KIF6: variants seen among roughly 807,000 people sequenced by gnomAD.
The protein encoded by KIF6 is kinesin-like protein KIF6.
Under a neutral mutation model 112.7 loss-of-function variants are expected in KIF6, and 106 were observed. That is an observed-to-expected ratio of 0.94 (90% confidence interval 0.80 to 1.11). The LOEUF (loss-of-function observed/expected upper bound fraction) is 1.11, where lower values mean the gene tolerates loss of function less well. KIF6 is among the 50% of genes least tolerant of loss of function. The pLI, the probability that KIF6 is intolerant of heterozygous loss-of-function variation, is 0.00. For synonymous variants in KIF6, 339 were observed against 339.9 expected (o/e 1.00, Z 0.03); for missense variants, 929 against 964.0 (o/e 0.96, Z 0.48).
intron 15 of KIF6, among the ~76,000 whole-genome samples, chr6:39,405,695 G>A (rs898550778): frequency 6.6e-6 from 1 of 152,140 alleles, no homozygotes; most frequent in African/African-American, 2.4e-5. Context: ...GATAATACTG[G>A]CCTAATAAAA....
chr6:39,384,066 T>C (rs1016979643), intron 16 of KIF6, among the ~76,000 whole-genome samples: 2 of 152,384 alleles, frequency 1.3e-5, no homozygotes, highest in Non-Finnish European at 2.9e-5. Flanking sequence ...TAGGGTTTTC[T>C]AGGTATACGG....
Position 39,342,713 on chromosome 6 carries a change from G to T in KIF6, c.2428+996C>A. The T allele has an allele frequency of 1.2e-6, 1 of 806,500 alleles. No homozygotes were observed. The highest frequency in any genetic ancestry group is 1.5e-6 in the Non-Finnish European group (1 of 667,598). The allele number at this position is 806,500 out of a possible 1,614,324, so 50.0% of individuals were successfully genotyped here. On this transcript the variant is annotated intron_variant, in intron 22 of 22. Coordinates refer to ENST00000287152, the MANE Select transcript of KIF6 (RefSeq NM_145027.6). The surrounding 1 kb of genome is among the most constrained non-coding windows in gnomAD (Gnocchi z 4.7). ...CAGGCTTAAGAAAGGACCTGACAGT[G>T]TTGCTGAGGCTGCTGGTCCTGGTGG...
At chr6:39,687,852 G>A (rs1328079357) in intron 3 of KIF6, among the ~76,000 whole-genome samples, 1 of 152,138 alleles carries the variant, frequency 6.6e-6, no homozygotes, top group Non-Finnish European at 1.5e-5. Context: ...TTTTCTAGTT[G>A]AGAGGATTAT....
At chr6:39,606,141 C>G (rs1382772009) in intron 6 of KIF6, among the ~76,000 whole-genome samples, 1 of 151,686 alleles carries the variant, frequency 6.6e-6, no homozygotes, top group African/African-American at 2.4e-5. Flanking sequence ...CCTCCTTCTC[C>G]TATATCTTCT....
chr6:39,458,121 A>C (rs111777668), intron 13 of KIF6, among the ~76,000 whole-genome samples: 5 of 150,664 alleles, frequency 3.3e-5, no homozygotes, highest in Non-Finnish European at 7.4e-5. Flanking sequence ...AAAAATCCTC[A>C]ATAAAATACT....
At chr6:39,435,681 T>C (rs936575294) in intron 13 of KIF6, among the ~76,000 whole-genome samples, 2 of 152,206 alleles carry the variant, frequency 1.3e-5, no homozygotes, top group Non-Finnish European at 2.9e-5. Flanking sequence ...TCCAGTTTCA[T>C]CCAAGATGCT....
At chr6:39,464,701 C>T (rs1011353895) in intron 13 of KIF6, among the ~76,000 whole-genome samples, 1 of 152,170 alleles carries the variant, frequency 6.6e-6, no homozygotes, top group Non-Finnish European at 1.5e-5. Context: ...CTCATAAGCA[C>T]CACTGAGTGG....
At chr6:39,680,469 C>T (rs1787448832) in intron 3 of KIF6, among the ~76,000 whole-genome samples, 1 of 152,168 alleles carries the variant, frequency 6.6e-6, no homozygotes, top group Non-Finnish European at 1.5e-5. Flanking sequence ...GAGTTCAATA[C>T]AGTAAACAGG....
intron 16 of KIF6, among the ~76,000 whole-genome samples, chr6:39,371,188 C>T (rs79506256): frequency 0.017 from 2,592 of 152,250 alleles, 85 homozygotes; most frequent in African/African-American, 0.059. Flanking sequence ...GGCTCCAGCA[C>T]GCCTCTGAGC....
intron 15 of KIF6, among the ~76,000 whole-genome samples, chr6:39,396,652 A>C (rs1470761570): frequency 6.6e-6 from 1 of 152,170 alleles, no homozygotes; most frequent in Non-Finnish European, 1.5e-5. Flanking sequence ...AATCCCTTTG[A>C]GCCTCAATTT....
chr6:39,604,664 A>G (rs1011427093), intron 6 of KIF6, among the ~76,000 whole-genome samples: 10 of 152,188 alleles, frequency 6.6e-5, no homozygotes, highest in African/African-American at 2.4e-4. Context: ...AATAGACTAG[A>G]CACACCAATT....
At chr6:39,372,915 TA>T (rs1368680900) in intron 16 of KIF6, among the ~76,000 whole-genome samples, 1 of 152,226 alleles carries the variant, frequency 6.6e-6, no homozygotes, top group Non-Finnish European at 1.5e-5. Context: ...TTTCCCAAAC[TA>T]ATCATCACCT....
At chr6:39,415,301 TAAAAAAAA>T (rs5875672) in intron 15 of KIF6, among the ~76,000 whole-genome samples, 1 of 89,458 alleles carries the variant, frequency 1.1e-5, no homozygotes, top group Non-Finnish European at 2.2e-5. Flanking sequence ...TTTTAAAATG[TAAAAAAAA>T]AAAAAAAAAA....
intron 8 of KIF6, 73 bp downstream of exon 8, chr6:39,586,188 G>A: frequency 6.6e-7 from 1 of 1,524,794 alleles, no homozygotes; most frequent in Admixed American, 1.7e-5. Context: ...ACCCACCCAA[G>A]AGCCTCAACT....
intron 13 of KIF6, among the ~76,000 whole-genome samples, chr6:39,512,171 A>C (rs1000700294): frequency 6.6e-6 from 1 of 152,224 alleles, no homozygotes; most frequent in African/African-American, 2.4e-5. Context: ...AGAATCAGAA[A>C]TAAAAGAACC....
intron 3 of KIF6, among the ~76,000 whole-genome samples, chr6:39,676,895 G>A (rs916500695): frequency 6.6e-6 from 1 of 151,900 alleles, no homozygotes; most frequent in African/African-American, 2.4e-5. Context: ...AGAAATGATT[G>A]CAAATGTTGG....
intron 13 of KIF6, among the ~76,000 whole-genome samples, chr6:39,457,556 C>T (rs1274560464): frequency 2.6e-5 from 4 of 151,382 alleles, no homozygotes; most frequent in Admixed American, 1.3e-4. Flanking sequence ...CACAAAAAAC[C>T]CTTCAAAAAA....
intron 2 of KIF6, among the ~76,000 whole-genome samples, chr6:39,717,808 T>C (rs1789950004): frequency 6.6e-6 from 1 of 152,232 alleles, no homozygotes; most frequent in Non-Finnish European, 1.5e-5. Context: ...TCTGAACATA[T>C]GTGTAAGTTG....
chr6:39,614,139 T>G (rs927001492), intron 5 of KIF6, among the ~76,000 whole-genome samples: 1 of 152,174 alleles, frequency 6.6e-6, no homozygotes, highest in African/African-American at 2.4e-5. Flanking sequence ...GAACAAAATT[T>G]GGCTAAACTC....
Sources: gnomAD v4.1 joint callset for allele counts (sites outside exome capture counted in the v4.1 genomes callset) on GRCh38, gnomAD v4.1.1 for gene constraint, Gnocchi (gnomAD v3.1) non-coding constraint, MANE v1.5 for transcripts, NCBI Gene and HGNC (gene_info 2026-07-23, HGNC 2026-07-21) for gene names.